The following TIAM2 variants were observed in gnomAD, a reference collection of about 807,000 sequenced individuals.
The protein encoded by TIAM2 is rho guanine nucleotide exchange factor TIAM2.
TIAM2 carries 80 observed loss-of-function variants against 152.9 expected under a neutral mutation model. The observed-to-expected ratio is 0.52, with a 90% CI of 0.44 to 0.63. The LOEUF (loss-of-function observed/expected upper bound fraction) is 0.63, where lower values mean the gene tolerates loss of function less well. TIAM2 is among the 30% of genes least tolerant of loss of function. The probability of loss-of-function intolerance (pLI) is 0.00; values close to 1 mark genes in which losing one functional copy is unlikely to be tolerated. For missense variants in TIAM2, 1,965 were observed against 2,120.1 expected (o/e 0.93, Z 1.44); for synonymous variants, 804 against 838.0 (o/e 0.96, Z 0.70).
chr6:155,147,946 C>G (rs1779855773), intron 6 of TIAM2, among the ~76,000 whole-genome samples, 164 bp from the exon 7 acceptor site: 1 of 152,206 alleles, frequency 6.6e-6, no homozygotes, highest in Non-Finnish European at 1.5e-5. Flanking sequence ...CTCTGAGTCC[C>G]TCTGAACCTG....
chr6:155,092,244 C>T (rs908247601), intron 2 of TIAM2, among the ~76,000 whole-genome samples: 5 of 149,804 alleles, frequency 3.3e-5, no homozygotes, highest in Middle Eastern at 3.2e-3. Context: ...ACCATAGGCC[C>T]GCACCACTGG....
Position 155,183,405 on chromosome 6 carries a change from T to C in TIAM2, c.2969T>C (p.Leu990Pro), listed in dbSNP as rs1469140765. ...TLCTSWSDSD[L>P]FSRDQKSLLP... ...TGTACATCCTGGTCAGACAGTGACC[T>C]GTTCTCCAGGGACCAGAAGAGTCTG... is the stretch of plus-strand genomic sequence containing the variant. The change falls in exon 14 of 27, where the codon CTG (leucine) becomes CCG (proline). Residue 990 changes from leucine to proline, a missense_variant. Leu to Pro is a moderately conservative substitution (Grantham distance 98). Coordinates refer to ENST00000682666, the MANE Select transcript of TIAM2 (RefSeq NM_012454.4). The C allele has an allele frequency of 2.5e-6, 4 of 1,614,198 alleles. No homozygotes were observed. Among genetic ancestry groups the C allele is most frequent in the Non-Finnish European group, 3.4e-6 (4 of 1,180,022 alleles).
intron 2 of TIAM2, among the ~76,000 whole-genome samples, chr6:155,122,631 C>T (rs1257884939): frequency 6.6e-6 from 1 of 151,746 alleles, no homozygotes; most frequent in Admixed American, 6.6e-5. Context: ...AAAGTTTGTA[C>T]ACAGCATAAA....
intron 2 of TIAM2, among the ~76,000 whole-genome samples, chr6:155,102,767 TTGTGTGTGTGTGTGTGTGTG>T (rs56117781): frequency 7.5e-5 from 11 of 145,760 alleles, no homozygotes; most frequent in East Asian, 4.0e-4. Context: ...GATTAATTTA[TTGTGTGTGTGTGTGTGTGTG>T]TGTGTGTGTG....
At chr6:155,061,365 T>C (rs1777576526) in intron 1 of TIAM2, among the ~76,000 whole-genome samples, 1 of 148,768 alleles carries the variant, frequency 6.7e-6, no homozygotes, top group Non-Finnish European at 1.5e-5. Context: ...ATCTGTATTT[T>C]TTGTATCCAT....
intron 1 of TIAM2, among the ~76,000 whole-genome samples, chr6:155,031,025 G>A (rs1776811601): frequency 6.6e-6 from 1 of 152,180 alleles, no homozygotes; most frequent in Non-Finnish European, 1.5e-5. Context: ...CTCCCTGACT[G>A]CTGTTCTCTT....
At chr6:155,242,246 C>T (rs981041392) in intron 16 of TIAM2, among the ~76,000 whole-genome samples, 1 of 152,256 alleles carries the variant, frequency 6.6e-6, no homozygotes, top group Admixed American at 6.5e-5. Flanking sequence ...GGCCCCAACA[C>T]CCTCGGACAA....
intron 2 of TIAM2, among the ~76,000 whole-genome samples, chr6:155,110,313 C>CTTT (rs1488922028): frequency 4.4e-5 from 4 of 90,354 alleles, no homozygotes; most frequent in African/African-American, 1.5e-4. Context: ...TTTCCTCTTT[C>CTTT]TTTTCTTTTT....
chr6:155,178,884 G>C (rs1583232724), intron 10 of TIAM2, among the ~76,000 whole-genome samples, 155 bp from the exon 11 acceptor site: 1 of 152,118 alleles, frequency 6.6e-6, no homozygotes, highest in Non-Finnish European at 1.5e-5. Flanking sequence ...CTGCATACAA[G>C]TATTTAAATT....
chr6:155,143,039 G>A lies in TIAM2; in HGVS notation c.1631-1567G>A, dbSNP rs79402998. Among the ~76,000 whole-genome samples, 678 of 152,358 alleles carry A rather than the reference G, an allele frequency of 4.5e-3. 3 individuals are homozygous for A. The highest frequency in any genetic ancestry group is 0.017 in the East Asian group (89 of 5,188). ...AAACACAGTAGTAGGATAAAGTACC[G>A]TGAAGTGGGCCCCAGGCATTTGTTT... On this transcript the variant is annotated intron_variant, in intron 5 of 26. Coordinates refer to ENST00000682666, the MANE Select transcript of TIAM2 (RefSeq NM_012454.4).
intron 2 of TIAM2, among the ~76,000 whole-genome samples, chr6:155,097,616 C>T (rs1237309753): frequency 6.6e-6 from 1 of 152,210 alleles, no homozygotes; most frequent in Admixed American, 6.5e-5. Flanking sequence ...GCTGGGATTA[C>T]AGGTGTGAGC....
chr6:155,089,002 A>C lies in TIAM2; in HGVS notation c.-208-1287A>C, dbSNP rs149210038. ...TGCCATAAAACAGTATCTTGTTTAC[A>C]TCACAGAGTTAATATCATGCCTTCT... On this transcript the variant is annotated intron_variant, in intron 1 of 26. Coordinates refer to ENST00000682666, the MANE Select transcript of TIAM2 (RefSeq NM_012454.4). Among the ~76,000 whole-genome samples the C allele has an allele frequency of 7.6e-3, 1,160 of 152,308 alleles. 13 individuals carry two copies. Among genetic ancestry groups the C allele is most frequent in the African/African-American group, 0.025 (1,051 of 41,566 alleles).
At chr6:155,090,261 CCT>C (rs2114978904) in intron 1 of TIAM2, 26 bp from the exon 2 acceptor site, 1 of 152,272 alleles carries the variant, frequency 6.6e-6, no homozygotes, top group Admixed American at 6.5e-5. Flanking sequence ...TTTCTCACTG[CCT>C]CTGTGTTTTT....
At chr6:155,032,909 T>C (rs1441850614) in intron 1 of TIAM2, among the ~76,000 whole-genome samples, 1 of 152,100 alleles carries the variant, frequency 6.6e-6, no homozygotes, top group Non-Finnish European at 1.5e-5. Context: ...GAATTTGGGG[T>C]ATATAAAAGA....
At chr6:155,183,139 A>G in intron 13 of TIAM2, 98 bp from the exon 14 acceptor site, 14 of 1,460,502 alleles carry the variant, frequency 9.6e-6, no homozygotes, top group Non-Finnish European at 1.2e-5. Context: ...AACAGTCCCT[A>G]CGAGTACATG....
intron 1 of TIAM2, among the ~76,000 whole-genome samples, chr6:155,020,160 C>CT (rs1418762840): frequency 1.3e-5 from 2 of 152,174 alleles, no homozygotes; most frequent in Non-Finnish European, 2.9e-5. Context: ...GCAGCCTTGC[C>CT]TAAGTCCTGA....
At chr6:155,009,843 T>C (rs1360274937) in intron 1 of TIAM2, among the ~76,000 whole-genome samples, 1 of 152,062 alleles carries the variant, frequency 6.6e-6, no homozygotes, top group African/African-American at 2.4e-5. Context: ...TCTCTGATTC[T>C]GTATACTCTT....
chr6:155,147,176 C>CTTTTT (rs3028764), intron 6 of TIAM2, among the ~76,000 whole-genome samples: 5 of 143,332 alleles, frequency 3.5e-5, no homozygotes, highest in African/African-American at 2.6e-5. Flanking sequence ...TTACATTGTT[C>CTTTTT]TTTTTTTTTT....
intron 12 of TIAM2, among the ~76,000 whole-genome samples, chr6:155,180,044 C>T (rs1780861073): frequency 6.6e-6 from 1 of 152,242 alleles, no homozygotes; most frequent in African/African-American, 2.4e-5. Context: ...CTTTGGGAGG[C>T]CAAGGCGGGC....
Sources: gnomAD v4.1 joint callset for allele counts (sites outside exome capture counted in the v4.1 genomes callset) on GRCh38, gnomAD v4.1.1 for gene constraint, MANE v1.5 for transcripts, NCBI Gene and HGNC (gene_info 2026-07-23, HGNC 2026-07-21) for gene names.